The following CENPH variants were observed in gnomAD, a reference collection of about 807,000 sequenced individuals.
CENPH encodes the protein centromere protein H.
CENPH carries 40 observed loss-of-function variants against 42.9 expected under a neutral mutation model. That is an observed-to-expected ratio of 0.93 (90% confidence interval 0.72 to 1.21). CENPH has a LOEUF of 1.21. Among genes scored for constraint, CENPH ranks in the 50% most tolerant of loss-of-function variants. The pLI, the probability that CENPH is intolerant of heterozygous loss-of-function variation, is 0.00. For missense variants in CENPH, 302 were observed against 292.9 expected (o/e 1.03, Z -0.23); for synonymous variants, 88 against 96.5 (o/e 0.91, Z 0.52).
At chr5:69,194,881 G>A (rs1747938218) in intron 3 of CENPH, among the ~76,000 whole-genome samples, 186 bp downstream of exon 3, 1 of 151,498 alleles carries the variant, frequency 6.6e-6, no homozygotes, top group Non-Finnish European at 1.5e-5. Flanking sequence ...TGAGTAGCTG[G>A]AACTACAGGC....
intron 8 of CENPH, among the ~76,000 whole-genome samples, chr5:69,208,632 T>C (rs1205001962): frequency 6.6e-6 from 1 of 152,138 alleles, no homozygotes; most frequent in African/African-American, 2.4e-5. Flanking sequence ...GTGCTGGGAT[T>C]ACAGGCATGA....
intron 4 of CENPH, among the ~76,000 whole-genome samples, chr5:69,196,652 A>G (rs1747968847): frequency 6.6e-6 from 1 of 151,696 alleles, no homozygotes; most frequent in Non-Finnish European, 1.5e-5. Context: ...CTCTCAAAAA[A>G]CAAAAAAAAA....
chr5:69,204,163 T>C (rs1326931370), intron 7 of CENPH, among the ~76,000 whole-genome samples: 1 of 143,190 alleles, frequency 7.0e-6, no homozygotes, highest in Non-Finnish European at 1.5e-5. Context: ...AGATGGTTTT[T>C]TGTATTGAAA....
intron 5 of CENPH, among the ~76,000 whole-genome samples, chr5:69,200,277 A>G (rs979336230): frequency 1.3e-5 from 2 of 152,206 alleles, no homozygotes; most frequent in Non-Finnish European, 2.9e-5. Context: ...TGGGATTCCT[A>G]TGTAAGCCTG....
chr5:69,189,808 G>A, intron 1 of CENPH, 40 bp downstream of exon 1: 1 of 1,417,814 alleles, frequency 7.1e-7, no homozygotes, highest in African/African-American at 1.5e-5. Context: ...CCAAGTGGGC[G>A]TTGTGGCCCG....
intron 5 of CENPH, 51 bp downstream of exon 5, chr5:69,197,160 A>T: frequency 8.6e-7 from 1 of 1,160,998 alleles, no homozygotes; most frequent in East Asian, 2.7e-5. Flanking sequence ...CTGCATAGTG[A>T]CTTTAGTTTT....
intron 7 of CENPH, among the ~76,000 whole-genome samples, chr5:69,205,344 C>T (rs1001162910): frequency 6.6e-6 from 1 of 152,148 alleles, no homozygotes; most frequent in African/African-American, 2.4e-5. Context: ...TCTTCTGCGT[C>T]AGCCTCTCGA....
intron 2 of CENPH, among the ~76,000 whole-genome samples, chr5:69,192,730 C>T (rs963727881): frequency 6.6e-6 from 1 of 152,190 alleles, no homozygotes; most frequent in African/African-American, 2.4e-5. Context: ...CTGTACTCCA[C>T]TCCACTGGGC....
chr5:69,208,997 T>C (rs927931512), intron 8 of CENPH, among the ~76,000 whole-genome samples: 18 of 151,428 alleles, frequency 1.2e-4, no homozygotes, highest in Admixed American at 3.3e-4. Context: ...GGTTTCGCCA[T>C]GTTGGCCAGG....
intron 5 of CENPH, among the ~76,000 whole-genome samples, chr5:69,200,719 C>CTTGTTTT (rs1748043838): frequency 2.1e-5 from 1 of 46,900 alleles, no homozygotes; most frequent in Non-Finnish European, 4.2e-5. Context: ...ATCAGCGTAT[C>CTTGTTTT]TTTTTTTTTT....
chr5:69,205,067 C>T (rs547112524), intron 7 of CENPH, among the ~76,000 whole-genome samples: 2 of 151,192 alleles, frequency 1.3e-5, no homozygotes, highest in South Asian at 4.2e-4. Context: ...TACAGGCACC[C>T]GCCACCACGC....
intron 1 of CENPH, among the ~76,000 whole-genome samples, chr5:69,190,395 CTA>C (rs1359981782): frequency 8.5e-5 from 13 of 152,282 alleles, no homozygotes; most frequent in East Asian, 5.8e-4. Context: ...CACGTGAACT[CTA>C]TTAGAAATTC....
At position 69,202,534 on chromosome 5, in the gene CENPH, T is replaced by G; in HGVS notation, c.400T>G (p.Leu134Val). Reference protein sequence around the residue: ...SVLMDNMKHLLELNKLIMKSQ... With the variant: ...SVLMDNMKHLVELNKLIMKSQ... ...GCTCATGGATAACATGAAACACCTA[T>G]TAGAGCTAAATAAATTAATAATGAA... The change falls in exon 6 of 9, where the codon TTA (leucine) becomes GTA (valine). Residue 134 changes from leucine to valine, a missense_variant. Coordinates refer to ENST00000283006, the MANE Select transcript of CENPH (RefSeq NM_022909.4). 1 of 1,570,428 alleles carries G rather than the reference T, an allele frequency of 6.4e-7. No individual in the cohort carries two copies. The highest frequency in any genetic ancestry group is 8.7e-7 in the Non-Finnish European group (1 of 1,145,162).
intron 7 of CENPH, among the ~76,000 whole-genome samples, chr5:69,204,893 C>T (rs1296833161): frequency 3.4e-5 from 5 of 147,300 alleles, no homozygotes; most frequent in African/African-American, 7.5e-5. Flanking sequence ...TATGAGCCAT[C>T]GCACCCAGCC....
chr5:69,209,771 A>C lies in CENPH; in HGVS notation c.716A>C (p.Gln239Pro). ...EDPALKEIVL[Q>P]LEKNVDMM ...CCTGCCCTTAAGGAAATTGTTCTGCAGCTTGAGAAGAATGTTGACATGATG... is the reference window on the plus strand; with the variant it reads ...CCTGCCCTTAAGGAAATTGTTCTGCCGCTTGAGAAGAATGTTGACATGATG... Residue 239 changes from glutamine (Q) to proline (P), a missense_variant, in exon 9 of 9, where the codon CAG becomes CCG. Coordinates refer to ENST00000283006, the MANE Select transcript of CENPH (RefSeq NM_022909.4). 4.4e-6 allele frequency: 7 copies of C among 1,600,540 alleles called. No homozygotes were observed. Among genetic ancestry groups the C allele is most frequent in the Non-Finnish European group, 6.0e-6 (7 of 1,169,100 alleles).
intron 5 of CENPH, among the ~76,000 whole-genome samples, chr5:69,197,732 A>G (rs372785425): frequency 7.9e-5 from 12 of 151,716 alleles, no homozygotes; most frequent in South Asian, 4.1e-4. Flanking sequence ...CAGCACACCA[A>G]CATGGCACAT....
chr5:69,197,911 A>ATTTTT (rs756442564), intron 5 of CENPH, among the ~76,000 whole-genome samples: 1 of 111,598 alleles, frequency 9.0e-6, no homozygotes, highest in African/African-American at 3.5e-5. Flanking sequence ...CTTACCTATG[A>ATTTTT]TCTTTTTTTT....
intron 5 of CENPH, among the ~76,000 whole-genome samples, chr5:69,200,717 A>ATTTTTT (rs1554058445): frequency 2.4e-5 from 1 of 40,976 alleles, no homozygotes; most frequent in African/African-American, 6.7e-5. Context: ...GAATCAGCGT[A>ATTTTTT]TCTTTTTTTT....
intron 7 of CENPH, among the ~76,000 whole-genome samples, chr5:69,206,073 C>T (rs1310189257): frequency 6.6e-6 from 1 of 151,938 alleles, no homozygotes; most frequent in Non-Finnish European, 1.5e-5. Context: ...CCATGTTACA[C>T]AGGCTGGTAT....
Sources: allele counts gnomAD v4.1 joint callset (sites outside exome capture counted in the v4.1 genomes callset), GRCh38; gene constraint gnomAD v4.1.1; transcripts MANE v1.5; gene names NCBI Gene and HGNC (gene_info 2026-07-23, HGNC 2026-07-21).